IRAK1BP1: variants seen among roughly 807,000 people sequenced by gnomAD.
IRAK1BP1 encodes the protein interleukin-1 receptor-associated kinase 1-binding protein 1.
IRAK1BP1 carries 24 observed loss-of-function variants against 28.0 expected under a neutral mutation model. The ratio of observed to expected loss-of-function variants is 0.86; its 90% CI spans 0.62 to 1.20. The LOEUF (loss-of-function observed/expected upper bound fraction) is 1.20, where lower values mean the gene tolerates loss of function less well. Ranked by LOEUF, IRAK1BP1 falls within the 50% of genes most tolerant of loss-of-function variation. The pLI, the probability that IRAK1BP1 is intolerant of heterozygous loss-of-function variation, is 0.00. For missense variants in IRAK1BP1, 336 were observed against 316.7 expected, an observed-to-expected ratio of 1.06 and a Z score of -0.46; for synonymous variants, 131 against 116.3, an observed-to-expected ratio of 1.13 and a Z score of -0.81.
At chr6:78,932,903 AT>A (rs1216390711) in intron 4 of IRAK1BP1, among the ~76,000 whole-genome samples, 1 of 151,960 alleles carries the variant, frequency 6.6e-6, no homozygotes, top group African/African-American at 2.4e-5. Context: ...TATCTTTTTT[AT>A]TTTTTTATTT....
At chr6:78,869,155 C>T (rs148872016) in intron 1 of IRAK1BP1, among the ~76,000 whole-genome samples, 154 of 152,198 alleles carry the variant, frequency 1.0e-3, no homozygotes, top group African/African-American at 3.6e-3. Context: ...GTGCTGTAGT[C>T]GTTTGAATAA....
downstream of IRAK1BP1, chr6:78,946,825 C>A: frequency 1.3e-6 from 2 of 1,583,790 alleles, no homozygotes; most frequent in East Asian, 2.3e-5. Flanking sequence ...TAAAACTGAA[C>A]TAATGTGTTC....
At chr6:78,941,332 TAAA>T (rs1287940172) in intron 4 of IRAK1BP1, 1 of 1,609,810 alleles carries the variant, frequency 6.2e-7, no homozygotes, top group Non-Finnish European at 8.5e-7. Context: ...TACAATCTCC[TAAA>T]AGGGAACAAC....
At chr6:78,886,991 A>C (rs1365017301) in intron 2 of IRAK1BP1, among the ~76,000 whole-genome samples, 2 of 152,252 alleles carry the variant, frequency 1.3e-5, no homozygotes, top group African/African-American at 4.8e-5. Flanking sequence ...CAGCACCAGC[A>C]GTCAGTGGAA....
chr6:78,932,185 G>T (rs1360143060), intron 4 of IRAK1BP1, among the ~76,000 whole-genome samples: 1 of 152,080 alleles, frequency 6.6e-6, no homozygotes, highest in East Asian at 1.9e-4. Flanking sequence ...TTCCATGTCT[G>T]CAGTGACTTC....
intron 4 of IRAK1BP1, among the ~76,000 whole-genome samples, chr6:78,910,603 G>A (rs191456651): frequency 3.8e-4 from 58 of 152,394 alleles, no homozygotes; most frequent in African/African-American, 1.3e-3. Context: ...AAGAAAAAGT[G>A]ATATCAAGCC....
At chr6:78,952,440 AG>A in the IRAK1BP1 span, among the ~76,000 whole-genome samples, 2 of 143,784 alleles carry the variant, frequency 1.4e-5, no homozygotes, top group Admixed American at 6.8e-5. Context: ...AAAAAAAAAA[AG>A]AAAAAAAAAA....
intron 4 of IRAK1BP1, among the ~76,000 whole-genome samples, chr6:78,928,820 T>C (rs1772962679): frequency 6.6e-6 from 1 of 152,196 alleles, no homozygotes; most frequent in Non-Finnish European, 1.5e-5. Flanking sequence ...TACTGATTGA[T>C]TTGTATATGT....
intron 1 of IRAK1BP1, among the ~76,000 whole-genome samples, chr6:78,876,543 T>C (rs1454352032): frequency 6.6e-6 from 1 of 152,244 alleles, no homozygotes; most frequent in Non-Finnish European, 1.5e-5. Flanking sequence ...GTGCCCCTTA[T>C]AGCAGGCTTT....
At chr6:78,904,809 A>G (rs916963035), downstream of IRAK1BP1, among the ~76,000 whole-genome samples, 2 of 152,190 alleles carry the variant, frequency 1.3e-5, no homozygotes, top group Non-Finnish European at 2.9e-5. Context: ...AATTAATTCA[A>G]AGTTTAATGT....
At chr6:78,965,788 AT>A in the IRAK1BP1 span, 1 of 1,387,336 alleles carries the variant, frequency 7.2e-7, no homozygotes, top group Non-Finnish European at 1.0e-6. Flanking sequence ...AAATCATTAT[AT>A]TAAAAAATCT....
chr6:78,897,783 A>G, intron 2 of IRAK1BP1, 46 bp from the exon 3 acceptor site: 1 of 1,553,190 alleles, frequency 6.4e-7, no homozygotes. Flanking sequence ...AAATCTTGAA[A>G]CAGTACATCA....
intron 4 of IRAK1BP1, among the ~76,000 whole-genome samples, chr6:78,917,719 T>G (rs550525083): frequency 6.8e-6 from 1 of 146,576 alleles, no homozygotes; most frequent in Non-Finnish European, 1.5e-5. Context: ...AGACTAACAG[T>G]AGACTTCTCA....
At chr6:78,870,731 A>G (rs1440957163) in intron 1 of IRAK1BP1, among the ~76,000 whole-genome samples, 2 of 150,838 alleles carry the variant, frequency 1.3e-5, no homozygotes, top group East Asian at 3.9e-4. Flanking sequence ...TTTTTTTGAG[A>G]TGGAGTTTCG....
chr6:78,964,626 G>A, the IRAK1BP1 span, among the ~76,000 whole-genome samples: 3 of 152,018 alleles, frequency 2.0e-5, no homozygotes, highest in Non-Finnish European at 4.4e-5. Context: ...CTGAGTAGCT[G>A]GGACTACAGG....
At chr6:78,912,018 G>A (rs1772438151) in intron 4 of IRAK1BP1, among the ~76,000 whole-genome samples, 1 of 152,114 alleles carries the variant, frequency 6.6e-6, no homozygotes, top group South Asian at 2.1e-4. Flanking sequence ...ACTCCAGAGG[G>A]CAGGCCATAC....
Position 78,893,304 on chromosome 6 carries a change from GTGTGTGTGTGTATATA to G in IRAK1BP1, c.382-4523_382-4508del, listed in dbSNP as rs1562085725. The stretch of plus-strand genomic sequence containing the variant: ...TATGTGTGTATATATGTGTGTGTGT[GTGTGTGTGTGTATATA>G]TATATATATATATATATATATATAT... On this transcript the variant is annotated intron_variant, in intron 2 of 3. Coordinates refer to ENST00000369940, the MANE Select transcript of IRAK1BP1 (RefSeq NM_001010844.4). 3.8e-3 allele frequency among the ~76,000 whole-genome samples: 373 copies of G among 97,986 alleles called. 2 individuals are homozygous for G. The highest frequency in any genetic ancestry group is 0.013 in the African/African-American group (330 of 25,258). 64.3% of individuals were successfully genotyped at this position (97,986 alleles called of 152,430 possible). A position where few individuals can be genotyped will look rare whatever the true frequency, so the allele number is the denominator to read the frequency against.
chr6:78,883,818 C>T (rs1315706856), intron 1 of IRAK1BP1, among the ~76,000 whole-genome samples: 1 of 152,114 alleles, frequency 6.6e-6, no homozygotes, highest in African/African-American at 2.4e-5. Flanking sequence ...CCTGCTCCGT[C>T]CCACCTGGGC....
At chr6:78,969,935 C>T in the IRAK1BP1 span, 1 of 1,574,814 alleles carries the variant, frequency 6.3e-7, no homozygotes, top group Non-Finnish European at 8.7e-7. Context: ...CAAACAGAAA[C>T]AAATTGATTA....
Sources: gnomAD v4.1 joint callset for allele counts (sites outside exome capture counted in the v4.1 genomes callset) on GRCh38, gnomAD v4.1.1 for gene constraint, MANE v1.5 for transcripts, NCBI Gene and HGNC (gene_info 2026-07-23, HGNC 2026-07-21) for gene names.